The following SYTL4 variants were observed in gnomAD, a reference collection of about 807,000 sequenced individuals.
The protein encoded by SYTL4 is synaptotagmin-like protein 4.
In SYTL4, 16 loss-of-function variants were observed where a neutral mutation model predicts 52.7. The ratio of observed to expected loss-of-function variants is 0.30; its 90% CI spans 0.21 to 0.46. The LOEUF (loss-of-function observed/expected upper bound fraction) is 0.46, where lower values mean the gene tolerates loss of function less well. Ranked by LOEUF, SYTL4 falls within the 20% of genes least tolerant of loss-of-function variation. The pLI, the probability that SYTL4 is intolerant of heterozygous loss-of-function variation, is 1.00. For missense variants in SYTL4, 423 were observed against 519.9 expected, an observed-to-expected ratio of 0.81 and a Z score of 1.81; for synonymous variants, 160 against 186.6, an observed-to-expected ratio of 0.86 and a Z score of 1.16.
intron 8 of SYTL4, among the ~76,000 whole-genome samples, chrX:100,699,482 CTTTTTTT>C (rs1181762978): frequency 1.7e-5 from 1 of 59,892 alleles, no homozygotes; most frequent in African/African-American, 9.7e-5. Flanking sequence ...CAGCATTACT[CTTTTTTT>C]TTTTTTTTTT....
In SYTL4 at chrX:100,718,731, A is replaced by G. The variant is rs139238488; in HGVS notation, c.-240+12687T>C. Among the ~76,000 whole-genome samples the G allele has an allele frequency of 8.1e-5, 9 of 111,133 alleles. No homozygotes were observed. The East Asian group carries it at 2.5e-3, about 31-fold the overall frequency. ...TGCAGTAAGGTTTTGGCTCCCTACG[A>G]TCCTTTTCAAAATAGATTCTACAAA... On this transcript the variant is annotated intron_variant, in intron 2 of 19. Transcript: ENST00000372989.
At chrX:100,686,973 C>A in intron 14 of SYTL4, 94 bp downstream of exon 14, 1 of 1,023,605 alleles carries the variant, frequency 9.8e-7, no homozygotes, top group Non-Finnish European at 1.3e-6. Context: ...CCTGCTCCCC[C>A]AGAAACAGAT....
At chrX:100,681,888 C>T (rs186797498) in intron 16 of SYTL4, among the ~76,000 whole-genome samples, 1 of 112,325 alleles carries the variant, frequency 8.9e-6, no homozygotes, top group East Asian at 2.8e-4. Context: ...AAAAATGTTC[C>T]ACTTATATTA....
intron 8 of SYTL4, among the ~76,000 whole-genome samples, chrX:100,698,258 A>G (rs1364441533): frequency 2.7e-5 from 3 of 109,466 alleles, no homozygotes; most frequent in Non-Finnish European, 3.8e-5. Flanking sequence ...GCCTGCCACC[A>G]CGCCCGGCTA....
intron 8 of SYTL4, among the ~76,000 whole-genome samples, chrX:100,696,706 T>C (rs1179571113): frequency 8.9e-6 from 1 of 111,937 alleles, no homozygotes; most frequent in Non-Finnish European, 1.9e-5. Flanking sequence ...AACCCATATA[T>C]GTATATTTAG....
intron 18 of SYTL4, 89 bp from the exon 19 acceptor site, chrX:100,678,688 C>A: frequency 1.3e-6 from 1 of 795,288 alleles, no homozygotes; most frequent in Non-Finnish European, 1.9e-6. Flanking sequence ...AGGCCTAGCC[C>A]AAGAAGATGA....
intron 2 of SYTL4, among the ~76,000 whole-genome samples, chrX:100,730,953 A>G (rs776678461): frequency 9.0e-6 from 1 of 111,228 alleles, no homozygotes; most frequent in Admixed American, 9.6e-5. Flanking sequence ...GCAGAAAATA[A>G]GCCAGTTAAA....
chrX:100,716,369 G>C (rs888059349), intron 2 of SYTL4, among the ~76,000 whole-genome samples: 4 of 96,489 alleles, frequency 4.1e-5, no homozygotes, highest in African/African-American at 1.6e-4. Flanking sequence ...AGAATCACGT[G>C]AACCTGAGAG....
At chrX:100,678,342 A>G in intron 19 of SYTL4, 49 bp downstream of exon 19, 4 of 1,012,638 alleles carry the variant, frequency 4.0e-6, no homozygotes, top group Non-Finnish European at 5.6e-6. Context: ...ATAGGAGTAA[A>G]ATAGACAAGA....
rs1485618979 is a variant in SYTL4 at position 100,700,932 on chromosome X, T to C, written c.504A>G (p.Gly168=). 1.7e-6 allele frequency: 2 copies of C among 1,209,320 alleles called. No homozygotes were observed. Among genetic ancestry groups the C allele is most frequent in the Admixed American group, 4.4e-5 (2 of 45,827 alleles). ...TCTGCCGCTCCTGAATGATCTTTCTTCCTGGCCAGATGTCACCCATCTGTG... is the reference window on the plus strand; with the variant it reads ...TCTGCCGCTCCTGAATGATCTTTCTCCCTGGCCAGATGTCACCCATCTGTG... ...HQTQMGDIWP[G]RKIIQERQKE... The change falls in exon 8 of 20, where the codon GGA becomes GGG. Residue 168 remains glycine (G), a synonymous_variant. Transcript: ENST00000372989.
intron 8 of SYTL4, among the ~76,000 whole-genome samples, chrX:100,698,038 A>G (rs1390921296): frequency 8.9e-6 from 1 of 112,487 alleles, no homozygotes; most frequent in African/African-American, 3.2e-5. Context: ...TATATCACAT[A>G]TAGGGAAAAA....
chrX:100,711,287 C>T (rs2084061885), intron 2 of SYTL4, among the ~76,000 whole-genome samples: 1 of 111,063 alleles, frequency 9.0e-6, no homozygotes, highest in African/African-American at 3.3e-5. Flanking sequence ...TATTTGGTAC[C>T]CAGTAAAAAA....
Position 100,704,857 on chromosome X carries a change from A to C in SYTL4, c.-210T>G, listed in dbSNP as rs1392017712. ...CTAGACAACACGCCTCTTTCACTTT[A>C]TTTTTTCTTTTTCTTTTTTTACTAG... is the stretch of plus-strand genomic sequence containing the variant. On this transcript the variant is annotated 5_prime_UTR_variant, in exon 3 of 20. Coordinates refer to ENST00000372989, the MANE Select transcript of SYTL4 (RefSeq NM_001370165.1). The C allele has an allele frequency of 3.6e-5, 4 of 111,961 alleles. No homozygotes were observed. The East Asian group carries it at 1.1e-3, about 31-fold the overall frequency. The allele number at this position is 111,961 out of a possible 1,213,427, so 9.2% of individuals were successfully genotyped here. A position where few individuals can be genotyped will look rare whatever the true frequency, so the allele number is the denominator to read the frequency against.
rs201705918 is a variant in SYTL4 at position 100,678,516 on chromosome X, G to A, written c.1742C>T (p.Thr581Ile). 2 of 1,208,509 alleles carry A rather than the reference G, an allele frequency of 1.7e-6. No homozygotes were observed. Among genetic ancestry groups the A allele is most frequent in the East Asian group, 5.9e-5 (2 of 33,761 alleles). Residue 581 changes from threonine (T) to isoleucine (I), a missense_variant, in exon 19 of 20, where the codon ACA becomes ATA. Transcript: ENST00000372989. ...CAGCCTCACACCATTGTAGACAAATGTATGGTTGTAGTGAGGATTCAGGGT... is the reference window on the plus strand; with the variant it reads ...CAGCCTCACACCATTGTAGACAAATATATGGTTGTAGTGAGGATTCAGGGT... The part of the protein sequence containing the change: ...KKTLNPHYNH[T>I]FVYNGVRLED...
chrX:100,709,480 C>T (rs1215022340), intron 2 of SYTL4, among the ~76,000 whole-genome samples: 3 of 111,759 alleles, frequency 2.7e-5, no homozygotes, highest in South Asian at 3.8e-4. Flanking sequence ...CCAGCCTGGG[C>T]GACAGAGTGA....
At chrX:100,698,464 C>CCTTTCT (rs1053334858) in intron 8 of SYTL4, among the ~76,000 whole-genome samples, 2 of 111,591 alleles carry the variant, frequency 1.8e-5, no homozygotes, top group African/African-American at 6.5e-5. Context: ...AATCTCTCTC[C>CCTTTCT]CTTTCTCTTT....
At chrX:100,685,180 G>T (rs924345232) in intron 16 of SYTL4, 2 of 112,002 alleles carry the variant, frequency 1.8e-5, no homozygotes, top group African/African-American at 6.5e-5. Context: ...GGGATATAGA[G>T]AAAACTAAAT....
At chrX:100,703,239 C>A (rs2083891552) in intron 3 of SYTL4, 54 bp from the exon 4 acceptor site, 1 of 110,675 alleles carries the variant, frequency 9.0e-6, no homozygotes, top group Admixed American at 9.7e-5. Flanking sequence ...CGGCTGCATT[C>A]CCAGCTACTC....
chrX:100,674,694 T>C lies in SYTL4; in HGVS notation c.*1334A>G, dbSNP rs972129423. Reference sequence around the variant, plus strand: ...GGCTGCCCTTAATCCAGTGTGCTTATAGGAAATCAGTTAGCAGCTGACTCT... The same window carrying C: ...GGCTGCCCTTAATCCAGTGTGCTTACAGGAAATCAGTTAGCAGCTGACTCT... On this transcript the variant is annotated 3_prime_UTR_variant, in exon 20 of 20. Coordinates refer to ENST00000372989, the MANE Select transcript of SYTL4 (RefSeq NM_001370165.1). The C allele has an allele frequency of 1.8e-5, 2 of 111,766 alleles. No individual in the cohort carries two copies. Among genetic ancestry groups the C allele is most frequent in the Non-Finnish European group, 3.8e-5 (2 of 53,202 alleles). 9.2% of individuals were successfully genotyped at this position (111,766 alleles called of 1,213,427 possible).
Sources: gnomAD v4.1 joint callset for allele counts (sites outside exome capture counted in the v4.1 genomes callset) on GRCh38, gnomAD v4.1.1 for gene constraint, MANE v1.5 for transcripts, NCBI Gene and HGNC (gene_info 2026-07-23, HGNC 2026-07-21) for gene names.